The following BIRC7 variants were observed in gnomAD, a reference collection of about 807,000 sequenced individuals.
The protein encoded by BIRC7 is baculoviral IAP repeat-containing protein 7.
In BIRC7, 26 loss-of-function variants were observed where a neutral mutation model predicts 33.2. The ratio of observed to expected loss-of-function variants is 0.78; its 90% CI spans 0.57 to 1.09. The LOEUF (loss-of-function observed/expected upper bound fraction) is 1.09, where lower values mean the gene tolerates loss of function less well. Among genes scored for constraint, BIRC7 ranks in the 50% least tolerant of loss-of-function variants. The pLI is 0.00. For synonymous variants in BIRC7, 176 were observed against 171.0 expected, an observed-to-expected ratio of 1.03 and a Z score of -0.23; for missense variants, 409 against 401.2, an observed-to-expected ratio of 1.02 and a Z score of -0.17.
Position 63,239,453 on chromosome 20 carries a change from G to T in BIRC7, c.745G>T (p.Glu249Ter). The T allele has an allele frequency of 6.2e-7, 1 of 1,606,902 alleles. No homozygotes were observed. The highest frequency in any genetic ancestry group is 8.5e-7 in the Non-Finnish European group (1 of 1,179,888). The change falls in exon 6 of 7, where the codon GAG (glutamate) becomes TAG (stop). Residue 249 changes from glutamate to a stop codon, truncating the protein, a stop_gained. Transcript: ENST00000217169. LOFTEE classifies it high-confidence loss of function. ...GGCGCAGCTGCGGCGGCTGCAGGAGGAGAGGACGTGCAAGGTGTGCCTGGA... is the reference window on the plus strand; with the variant it reads ...GGCGCAGCTGCGGCGGCTGCAGGAGTAGAGGACGTGCAAGGTGTGCCTGGA... Reference protein sequence around the residue: ...VEAQLRRLQEERTCKVCLDRA... With the variant: ...VEAQLRRLQE
In BIRC7 at chr20:63,236,194, G is replaced by T; in HGVS notation, c.98G>T (p.Arg33Leu). 6.3e-7 allele frequency: 1 copy of T among 1,588,812 alleles called. No individual in the cohort carries two copies. Among genetic ancestry groups the T allele is most frequent in the East Asian group, 2.3e-5 (1 of 43,626 alleles). The change falls in exon 1 of 7, where the codon CGC becomes CTC. Residue 33 changes from arginine (R) to leucine (L), a missense_variant. Transcript: ENST00000217169. ...CCCACGCAGGAGCGCTGTGGACCCCGCTCTCTGGGCAGCCCTGTCCTAGGC... is the reference window on the plus strand; with the variant it reads ...CCCACGCAGGAGCGCTGTGGACCCCTCTCTCTGGGCAGCCCTGTCCTAGGC... ...DGPTQERCGP[R>L]SLGSPVLGLD...
At chr20:63,238,173 A>G in intron 2 of BIRC7, 171 bp downstream of exon 2, 1 of 850,100 alleles carries the variant, frequency 1.2e-6, no homozygotes, top group Non-Finnish European at 1.8e-6. Context: ...TTTTCCTGTG[A>G]GGGCCCCTTT....
rs371634897 is a variant in BIRC7, at chr20:63,236,420, G to A, written c.324G>A (p.Leu108=). Residue 108 remains leucine (L), a synonymous_variant, in exon 1 of 7, where the codon CTG becomes CTA. Coordinates refer to ENST00000217169, the MANE Select transcript of BIRC7 (RefSeq NM_139317.3). ...PLTAEVPPEL[L]AAAGFFHTGH... ...CTGCTGAGGTGCCACCCGAGCTGCT[G>A]GCTGCTGCCGGCTTCTTCCACACAG... 6.5e-6 allele frequency: 10 copies of A among 1,543,722 alleles called. No homozygotes were observed. The highest frequency in any genetic ancestry group is 8.7e-6 in the Non-Finnish European group (10 of 1,143,856).
rs771268817 is a variant in BIRC7 at position 63,239,581 on chromosome 20, C to T, written c.873C>T (p.Ser291=). Residue 291 remains serine (S), a synonymous_variant, in exon 6 of 7, where the codon AGC becomes AGT. Transcript: ENST00000217169. The stretch of plus-strand genomic sequence containing the variant: ...CCATCTGCAGAGCCCCCGTCCGCAG[C>T]CGCGTGCGCACCTTCCTGTCCTAGG... ...LCPICRAPVR[S]RVRTFLS The T allele has an allele frequency of 6.3e-7, 1 of 1,598,980 alleles. No individual in the cohort carries two copies.
At chr20:63,238,297 C>G in intron 2 of BIRC7, 99 bp from the exon 3 acceptor site, 1 of 1,410,460 alleles carries the variant, frequency 7.1e-7, no homozygotes, top group Non-Finnish European at 9.9e-7. Flanking sequence ...TGCAGGGTGG[C>G]GGGAGGAGGG....
Position 63,236,238 on chromosome 20 carries a change from T to A in BIRC7, c.142T>A (p.Trp48Arg). The change falls in exon 1 of 7, where the codon TGG (tryptophan) becomes AGG (arginine). Residue 48 changes from tryptophan (W) to arginine (R), a missense_variant. By Grantham distance (101) the Trp-to-Arg change is moderately radical. Coordinates refer to ENST00000217169, the MANE Select transcript of BIRC7 (RefSeq NM_139317.3). ...PVLGLDTCRA[W>R]DHVDGQILGQ... Reference sequence around the variant, plus strand: ...CCTAGGCCTGGACACCTGCAGAGCCTGGGACCACGTGGATGGGCAGATCCT... The same window carrying A: ...CCTAGGCCTGGACACCTGCAGAGCCAGGGACCACGTGGATGGGCAGATCCT... 1.3e-6 allele frequency: 2 copies of A among 1,598,244 alleles called. No homozygotes were observed. Among genetic ancestry groups the A allele is most frequent in the Non-Finnish European group, 1.7e-6 (2 of 1,172,114 alleles).
At chr20:63,236,674 G>A (rs2066691279) in intron 1 of BIRC7, among the ~76,000 whole-genome samples, 1 of 152,236 alleles carries the variant, frequency 6.6e-6, no homozygotes, top group South Asian at 2.1e-4. Flanking sequence ...ATGTGAGGAG[G>A]GGCTGCCTCT....
Position 63,236,307 on chromosome 20 carries a change from G to A in BIRC7, c.211G>A (p.Ala71Thr), listed in dbSNP as rs201104335. Residue 71 changes from alanine (A) to threonine (T), a missense_variant, in exon 1 of 7, where the codon GCC becomes ACC. Physicochemically the swap from Ala to Thr is moderately conservative, Grantham distance 58. Coordinates refer to ENST00000217169, the MANE Select transcript of BIRC7 (RefSeq NM_139317.3). Reference protein sequence around the residue: ...PLTEEEEEEGAGATLSRGPAF... With the variant: ...PLTEEEEEEGTGATLSRGPAF... ...GACAGAGGAGGAAGAGGAGGAGGGC[G>A]CCGGGGCCACCTTGTCCAGGGGGCC... 318 of 1,610,608 alleles carry A rather than the reference G, an allele frequency of 2.0e-4. No individual in the cohort carries two copies. The African/African-American group carries it at 2.1e-3, about 11-fold the overall frequency.
At chr20:63,238,786 G>C (rs1422413501) in intron 4 of BIRC7, 172 bp downstream of exon 4, 1 of 899,322 alleles carries the variant, frequency 1.1e-6, no homozygotes, top group East Asian at 2.6e-5. Flanking sequence ...TGAGGGTGGG[G>C]GCGGGGCGGC....
intron 6 of BIRC7, among the ~76,000 whole-genome samples, chr20:63,239,860 CGCCTGCTGGCTCCTCTCA>C (rs2123032229): frequency 6.6e-6 from 1 of 152,352 alleles, no homozygotes; most frequent in East Asian, 1.9e-4. Context: ...CATTAACTGA[CGCCTGCTGGCTCCTCTCA>C]GCCTTGATTT....
chr20:63,238,270 C>A, intron 2 of BIRC7, 126 bp from the exon 3 acceptor site: 1 of 1,201,516 alleles, frequency 8.3e-7, no homozygotes, highest in Non-Finnish European at 1.2e-6. Context: ...GCCCTCCTCG[C>A]CCATGCCCAC....
chr20:63,238,609 C>G lies in BIRC7; in HGVS notation c.572C>G (p.Pro191Arg). The change falls in exon 4 of 7, where the codon CCC (proline) becomes CGC (arginine). Residue 191 changes from proline to arginine, a missense_variant. Transcript: ENST00000217169. ...CCGGAAGACGCAGCCCCTGTGGCCCCCTCCGGTGAGAGCTGACACCACCCC... is the reference window on the plus strand; with the variant it reads ...CCGGAAGACGCAGCCCCTGTGGCCCGCTCCGGTGAGAGCTGACACCACCCC... ...EEPEDAAPVA[P>R]SVPASGYPEL... is the part of the protein sequence containing the mutation. 1 of 1,612,876 alleles carries G rather than the reference C, an allele frequency of 6.2e-7. No individual in the cohort carries two copies. Among genetic ancestry groups the G allele is most frequent in the African/African-American group, 1.3e-5 (1 of 75,062 alleles).
rs564892993 is a variant in BIRC7 at position 63,236,569 on chromosome 20, G to A, written c.349+124G>A. On this transcript the variant is annotated intron_variant, in intron 1 of 6. Coordinates refer to ENST00000217169, the MANE Select transcript of BIRC7 (RefSeq NM_139317.3). The stretch of plus-strand genomic sequence containing the variant: ...AACAGGAAGGGTCTGGCCTGATGAC[G>A]GAGCAGTGGTCCTGCAAGCCCCTCC... The A allele has an allele frequency of 1.0e-5, 14 of 1,346,448 alleles. No homozygotes were observed. The Middle Eastern group carries it at 8.4e-4, about 80-fold the overall frequency. 83.4% of individuals were successfully genotyped at this position (1,346,448 alleles called of 1,614,324 possible). A position where few individuals can be genotyped will look rare whatever the true frequency, so the allele number is the denominator to read the frequency against.
intron 4 of BIRC7, 148 bp from the exon 5 acceptor site, chr20:63,239,014 G>A: frequency 1.2e-6 from 1 of 818,914 alleles, no homozygotes; most frequent in Non-Finnish European, 2.0e-6. Flanking sequence ...GCTGTGGGAG[G>A]GGTGGGAAGA....
At chr20:63,239,074 TGGACCCCACA>T in intron 4 of BIRC7, 78 bp from the exon 5 acceptor site, 1 of 1,378,200 alleles carries the variant, frequency 7.3e-7, no homozygotes, top group South Asian at 1.2e-5. Flanking sequence ...CGGCCAGAAC[TGGACCCCACA>T]GGCTGCAGAC....
intron 1 of BIRC7, 53 bp downstream of exon 1, chr20:63,236,498 A>G: frequency 2.7e-6 from 4 of 1,492,506 alleles, no homozygotes; most frequent in Non-Finnish European, 2.7e-6. Flanking sequence ...ACGATTCTGG[A>G]CCCTTCCAGC....
chr20:63,239,661 G>C (rs1469272191), intron 6 of BIRC7, 51 bp downstream of exon 6: 3 of 1,538,552 alleles, frequency 1.9e-6, no homozygotes, highest in Non-Finnish European at 8.7e-7. Context: ...AGGGGGCCCT[G>C]AGCCGGCTGT....
chr20:63,235,947 G>C lies in BIRC7; in HGVS notation c.-150G>C. 1 of 986,720 alleles carries C rather than the reference G, an allele frequency of 1.0e-6. No individual in the cohort carries two copies. Among genetic ancestry groups the C allele is most frequent in the Non-Finnish European group, 1.4e-6 (1 of 699,218 alleles). The allele number at this position is 986,720 out of a possible 1,614,324, so 61.1% of individuals were successfully genotyped here. A position where few individuals can be genotyped will look rare whatever the true frequency, so the allele number is the denominator to read the frequency against. ...GGCCCTGGGATACTCCCCTCCCAGG[G>C]TGTCTGGTGGCAGGCCTGTGCCTAT... On this transcript the variant is annotated 5_prime_UTR_variant, in exon 1 of 7. Coordinates refer to ENST00000217169, the MANE Select transcript of BIRC7 (RefSeq NM_139317.3).
chr20:63,239,249 C>A lies in BIRC7; in HGVS notation c.649+16C>A. ...CAGGAGCCAGGTGCAGGCCCGGGAC[C>A]CCCTGGGTGAGGGCTGGGGCAGGGG... is the stretch of plus-strand genomic sequence containing the variant. On this transcript the variant is annotated intron_variant, in intron 5 of 6. Transcript: ENST00000217169. 1 of 1,551,386 alleles carries A rather than the reference C, an allele frequency of 6.4e-7. No homozygotes were observed. The highest frequency in any genetic ancestry group is 1.7e-4 in the Middle Eastern group (1 of 5,908).
Sources: allele counts gnomAD v4.1 joint callset (sites outside exome capture counted in the v4.1 genomes callset), GRCh38; gene constraint gnomAD v4.1.1; transcripts MANE v1.5; gene names NCBI Gene and HGNC (gene_info 2026-07-23, HGNC 2026-07-21).